The following SYNE2 variants were observed in gnomAD, a reference collection of about 807,000 sequenced individuals.
The protein encoded by SYNE2 is nesprin-2.
SYNE2 carries 431 observed loss-of-function variants against 856.3 expected under a neutral mutation model. That is an observed-to-expected ratio of 0.50 (90% confidence interval 0.47 to 0.55). The LOEUF is 0.55. SYNE2 is among the 20% of genes least tolerant of loss of function. The pLI, the probability that SYNE2 is intolerant of heterozygous loss-of-function variation, is 0.00. For synonymous variants in SYNE2, 2,923 were observed against 2,872.3 expected (o/e 1.02, Z -0.56); for missense variants, 8,129 against 8,023.2 (o/e 1.01, Z -0.50).
intron 61 of SYNE2, among the ~76,000 whole-genome samples, chr14:64,094,587 G>A (rs1045272662): frequency 6.6e-6 from 1 of 152,004 alleles, no homozygotes; most frequent in Admixed American, 6.5e-5. Flanking sequence ...TACACTACTC[G>A]CCAGCTGTGA....
At chr14:64,119,304 C>T in intron 66 of SYNE2, 123 bp from the exon 67 acceptor site, 1 of 1,294,828 alleles carries the variant, frequency 7.7e-7, no homozygotes, top group Non-Finnish European at 1.1e-6. Flanking sequence ...GGGTTTCTTC[C>T]ATCCTGTGTT....
In SYNE2 at chr14:64,002,952, A is replaced by C; in HGVS notation, c.4019A>C (p.Glu1340Ala). Residue 1340 changes from glutamate to alanine, a missense_variant, in exon 30 of 116, where the codon GAG (glutamate) becomes GCG (alanine). Physicochemically the swap from Glu to Ala is moderately radical, Grantham distance 107 (BLOSUM62 -1). Coordinates refer to ENST00000555002, the MANE Select transcript of SYNE2 (RefSeq NM_182914.3). Reference protein sequence around the residue: ...ASLRTAKLSAEPVTDLSASDT... With the variant: ...ASLRTAKLSAAPVTDLSASDT... The stretch of plus-strand genomic sequence containing the variant: ...CTCAGAACAGCTAAACTCTCTGCTG[A>C]GCCCGTTACAGACCTTTCAGCCTCA... 6.2e-7 allele frequency: 1 copy of C among 1,614,242 alleles called. No individual in the cohort carries two copies. Among genetic ancestry groups the C allele is most frequent in the Non-Finnish European group, 8.5e-7 (1 of 1,180,038 alleles).
At chr14:63,877,010 T>G (rs972315525) in intron 1 of SYNE2, among the ~76,000 whole-genome samples, 1 of 152,180 alleles carries the variant, frequency 6.6e-6, no homozygotes, top group African/African-American at 2.4e-5. Flanking sequence ...CAGTTTTGAT[T>G]GTTGGTCTCT....
At chr14:64,110,594 C>A (rs1481513187) in intron 65 of SYNE2, among the ~76,000 whole-genome samples, 3 of 140,460 alleles carry the variant, frequency 2.1e-5, no homozygotes, top group South Asian at 2.5e-4. Context: ...TTACACCCCC[C>A]CCCCCCCGCC....
intron 47 of SYNE2, 120 bp downstream of exon 47, chr14:64,049,996 C>T (rs1027530392): frequency 8.2e-7 from 1 of 1,214,402 alleles, no homozygotes; most frequent in Non-Finnish European, 1.2e-6. Context: ...TTTAAAACCA[C>T]AGGATGGAAT....
Position 64,019,987 on chromosome 14 carries a change from T to C in SYNE2, c.5050-5T>C. The C allele has an allele frequency of 6.3e-7, 1 of 1,582,078 alleles. No homozygotes were observed. Among genetic ancestry groups the C allele is most frequent in the Non-Finnish European group, 8.7e-7 (1 of 1,151,030 alleles). On this transcript the variant is annotated splice_region_variant and splice_polypyrimidine_tract_variant and intron_variant, in intron 34 of 115. Coordinates refer to ENST00000555002, the MANE Select transcript of SYNE2 (RefSeq NM_182914.3). Reference sequence around the variant, plus strand: ...GACACTATCCTTTAAAATTACATGTTTTAGGAAGAATTACAAGTCCATGAA... The same window carrying C: ...GACACTATCCTTTAAAATTACATGTCTTAGGAAGAATTACAAGTCCATGAA...
intron 64 of SYNE2, among the ~76,000 whole-genome samples, chr14:64,103,181 T>G (rs2097747652): frequency 6.6e-6 from 1 of 152,192 alleles, no homozygotes; most frequent in Non-Finnish European, 1.5e-5. Context: ...ATTGTGTACT[T>G]AATAACAGGA....
At chr14:64,087,966 T>C in intron 58 of SYNE2, 110 bp downstream of exon 58, 2 of 1,175,352 alleles carry the variant, frequency 1.7e-6, no homozygotes, top group Non-Finnish European at 1.2e-6. Context: ...GTGGATCACT[T>C]GAGGTCAGGA....
At chr14:63,894,205 ATTT>A (rs760402717) in intron 1 of SYNE2, among the ~76,000 whole-genome samples, 3 of 139,748 alleles carry the variant, frequency 2.1e-5, no homozygotes, top group Non-Finnish European at 3.1e-5. Flanking sequence ...CATTTTATGG[ATTT>A]TTTTTTTTTT....
chr14:64,195,372 C>G (rs1481154782), intron 99 of SYNE2, among the ~76,000 whole-genome samples: 1 of 152,154 alleles, frequency 6.6e-6, no homozygotes, highest in Non-Finnish European at 1.5e-5. Flanking sequence ...TATGTTCTCT[C>G]CTGAATTTCT....
At chr14:64,075,140 A>G (rs1029184534) in intron 53 of SYNE2, among the ~76,000 whole-genome samples, 1 of 152,222 alleles carries the variant, frequency 6.6e-6, no homozygotes, top group Non-Finnish European at 1.5e-5. Flanking sequence ...TTACAGAGTC[A>G]TTTAAAATTG....
chr14:63,961,205 A>G (rs985668674), intron 8 of SYNE2, among the ~76,000 whole-genome samples: 1 of 152,192 alleles, frequency 6.6e-6, no homozygotes, highest in South Asian at 2.1e-4. Flanking sequence ...GGAATGCTTT[A>G]TTTTCTCCTC....
chr14:64,106,418 G>C (rs985985085), intron 64 of SYNE2, among the ~76,000 whole-genome samples: 42 of 152,178 alleles, frequency 2.8e-4, no homozygotes, highest in Non-Finnish European at 1.6e-4. Flanking sequence ...GGGAGGCCGA[G>C]GCGAGTGGAT....
chr14:64,025,486 A>G, intron 41 of SYNE2, 65 bp downstream of exon 41: 2 of 1,486,934 alleles, frequency 1.3e-6, no homozygotes, highest in South Asian at 2.4e-5. Context: ...GATTTAGAGG[A>G]AAACTGTAAA....
chr14:64,117,264 G>A (rs1408734226), intron 66 of SYNE2, among the ~76,000 whole-genome samples: 1 of 152,008 alleles, frequency 6.6e-6, no homozygotes, highest in Admixed American at 6.6e-5. Flanking sequence ...CTTAGAGAGA[G>A]GACCCAAGTC....
intron 76 of SYNE2, 99 bp downstream of exon 76, chr14:64,130,347 A>T: frequency 9.2e-7 from 1 of 1,087,088 alleles, no homozygotes; most frequent in South Asian, 1.4e-5. Context: ...TCTTTGTTGA[A>T]ATTTAAGCTA....
At chr14:63,835,785 A>T (rs1056141983) in intron 1 of SYNE2, among the ~76,000 whole-genome samples, 2 of 152,006 alleles carry the variant, frequency 1.3e-5, no homozygotes, top group African/African-American at 4.8e-5. Flanking sequence ...CAAGTTCAAG[A>T]TCAGCCTCAC....
chr14:63,998,233 T>G lies in SYNE2; in HGVS notation c.3258T>G (p.Thr1086=). 6.2e-7 allele frequency: 1 copy of G among 1,613,602 alleles called. No individual in the cohort carries two copies. The highest frequency in any genetic ancestry group is 1.1e-5 in the South Asian group (1 of 91,068). ...QPSTEKAMEP[T]MKFSLASVLR... ...TATTCCCTTAGGCAATGGAACCCAC[T>G]ATGAAGTTTAGCCTGGCATCAGTGT... is the stretch of plus-strand genomic sequence containing the variant. Residue 1086 remains threonine, a synonymous_variant, in exon 26 of 116, where the codon ACT becomes ACG. Transcript: ENST00000555002.
intron 35 of SYNE2, 71 bp downstream of exon 35, chr14:64,020,164 G>A: frequency 9.1e-7 from 1 of 1,098,478 alleles, no homozygotes; most frequent in Non-Finnish European, 1.4e-6. Context: ...CTGCACTCCA[G>A]CCTGGGCGAC....
Sources: gnomAD v4.1 joint callset for allele counts (sites outside exome capture counted in the v4.1 genomes callset) on GRCh38, gnomAD v4.1.1 for gene constraint, MANE v1.5 for transcripts, NCBI Gene and HGNC (gene_info 2026-07-23, HGNC 2026-07-21) for gene names.